Variants in CALN1 observed in about 807,000 individuals in gnomAD.
The protein encoded by CALN1 is calcium-binding protein 8.
In CALN1, 17 loss-of-function variants were observed where a neutral mutation model predicts 30.6. The ratio of observed to expected loss-of-function variants is 0.56; its 90% CI spans 0.38 to 0.83. The LOEUF is 0.83. Among genes scored for constraint, CALN1 ranks in the 40% least tolerant of loss-of-function variants. The pLI, the probability that CALN1 is intolerant of heterozygous loss-of-function variation, is 0.00. For missense variants in CALN1, 291 were observed against 354.9 expected (o/e 0.82, Z 1.45); for synonymous variants, 156 against 131.4 (o/e 1.19, Z -1.28).
chr7:72,090,531 T>A (rs1249308749), intron 4 of CALN1, among the ~76,000 whole-genome samples: 3 of 152,148 alleles, frequency 2.0e-5, no homozygotes, highest in Non-Finnish European at 4.4e-5. Context: ...TATTAAATAA[T>A]AAAGAATTTA....
chr7:71,869,817 T>C (rs1184834683), intron 5 of CALN1, among the ~76,000 whole-genome samples: 1 of 152,162 alleles, frequency 6.6e-6, no homozygotes, highest in African/African-American at 2.4e-5. Context: ...AATTGGAAGA[T>C]GCCCCAGAAA....
At chr7:71,816,301 C>T (rs533853579) in intron 5 of CALN1, among the ~76,000 whole-genome samples, 12 of 152,206 alleles carry the variant, frequency 7.9e-5, no homozygotes, top group South Asian at 4.1e-4. Flanking sequence ...TAGAGTTTAA[C>T]GATCCTAGAC....
chr7:72,268,256 C>T (rs907790830), intron 3 of CALN1, among the ~76,000 whole-genome samples: 1 of 151,930 alleles, frequency 6.6e-6, no homozygotes, highest in African/African-American at 2.4e-5. Context: ...GAAGCTTAAA[C>T]AAAAGCGGAG....
chr7:72,164,383 CAG>C (rs1177001678), intron 3 of CALN1, among the ~76,000 whole-genome samples: 1 of 148,470 alleles, frequency 6.7e-6, no homozygotes, highest in African/African-American at 2.5e-5. Flanking sequence ...AAGAAGAAGA[CAG>C]AGACACATAG....
chr7:72,390,597 A>T (rs1377439960), intron 2 of CALN1, among the ~76,000 whole-genome samples: 1 of 152,204 alleles, frequency 6.6e-6, no homozygotes, highest in East Asian at 1.9e-4. Flanking sequence ...AATGAAATCT[A>T]GCATTTTCTT....
At chr7:72,262,239 C>G (rs945547608) in intron 3 of CALN1, among the ~76,000 whole-genome samples, 1 of 152,194 alleles carries the variant, frequency 6.6e-6, no homozygotes, top group Non-Finnish European at 1.5e-5. Flanking sequence ...GACACGTTCC[C>G]TCCTGATCCT....
chr7:72,435,755 C>T (rs767128042), intron 1 of CALN1, among the ~76,000 whole-genome samples: 2 of 152,158 alleles, frequency 1.3e-5, no homozygotes, highest in Admixed American at 6.5e-5. Context: ...CAGTTAATAA[C>T]TGTGCACATT....
chr7:72,428,718 G>T (rs1272146416), intron 1 of CALN1, among the ~76,000 whole-genome samples: 2 of 152,176 alleles, frequency 1.3e-5, no homozygotes, highest in South Asian at 2.1e-4. Flanking sequence ...TAGAAGGATG[G>T]TCTGGCACAG....
At chr7:71,977,804 C>T (rs1389769064) in intron 5 of CALN1, among the ~76,000 whole-genome samples, 2 of 151,580 alleles carry the variant, frequency 1.3e-5, no homozygotes, top group Non-Finnish European at 2.9e-5. Flanking sequence ...TGGTGGCGGG[C>T]GACTGTAATC....
intron 2 of CALN1, among the ~76,000 whole-genome samples, chr7:72,317,802 G>A (rs1018503048): frequency 2.0e-5 from 3 of 151,984 alleles, no homozygotes; most frequent in Non-Finnish European, 2.9e-5. Context: ...GCATGACACC[G>A]GCCCCAGAAT....
chr7:72,053,244 C>G (rs1802954660), intron 4 of CALN1, among the ~76,000 whole-genome samples: 1 of 152,104 alleles, frequency 6.6e-6, no homozygotes, highest in Non-Finnish European at 1.5e-5. Context: ...AACAAACAAA[C>G]AAAGGAATAT....
intron 3 of CALN1, among the ~76,000 whole-genome samples, chr7:72,267,764 T>C (rs1445379487): frequency 6.6e-6 from 1 of 152,244 alleles, no homozygotes; most frequent in East Asian, 1.9e-4. Flanking sequence ...CCCAGCACTT[T>C]GGCAGGCTGA....
intron 5 of CALN1, among the ~76,000 whole-genome samples, chr7:71,993,358 T>C (rs930376543): frequency 2.0e-5 from 3 of 152,036 alleles, no homozygotes; most frequent in African/African-American, 7.2e-5. Flanking sequence ...CCTAGCTACT[T>C]GGGAGGCTGA....
At chr7:72,391,987 G>A (rs1454279086) in intron 2 of CALN1, among the ~76,000 whole-genome samples, 3 of 152,186 alleles carry the variant, frequency 2.0e-5, no homozygotes, top group African/African-American at 7.2e-5. Context: ...TTGACCCCTA[G>A]AGTATGGCAG....
chr7:71,818,834 C>A (rs991641428), intron 5 of CALN1, among the ~76,000 whole-genome samples: 1 of 150,658 alleles, frequency 6.6e-6, no homozygotes, highest in Non-Finnish European at 1.5e-5. Context: ...CTCAGCCTCC[C>A]GAGTAGCTGG....
At chr7:71,801,814 T>G (rs887070012) in intron 6 of CALN1, among the ~76,000 whole-genome samples, 1 of 151,714 alleles carries the variant, frequency 6.6e-6, no homozygotes, top group Non-Finnish European at 1.5e-5. Context: ...CCGTCTCTAC[T>G]AAAAATACAA....
rs560608463 is a variant in CALN1 at position 72,338,010 on chromosome 7, T to C, written c.120-59200A>G. 9.6e-4 allele frequency among the ~76,000 whole-genome samples: 146 copies of C among 152,308 alleles called. 1 individual carries two copies. The highest frequency in any genetic ancestry group is 3.4e-3 in the African/African-American group (141 of 41,576). On this transcript the variant is annotated intron_variant, in intron 2 of 6. Coordinates refer to ENST00000395275, the MANE Select transcript of CALN1 (RefSeq NM_031468.4). The stretch of plus-strand genomic sequence containing the variant: ...CATGTGCTTGGAGTCAGCAGTCACC[T>C]TTCCCAGTCCCCACCTGTCTGCCTC...
the CALN1 span, among the ~76,000 whole-genome samples, chr7:72,490,965 C>CCGGG: frequency 6.6e-6 from 1 of 152,160 alleles, no homozygotes; most frequent in Non-Finnish European, 1.5e-5. Context: ...ATGCTCAAGG[C>CCGGG]CGGGCGCGGT....
At chr7:71,886,791 A>AT (rs1162808407) in intron 5 of CALN1, among the ~76,000 whole-genome samples, 8 of 151,886 alleles carry the variant, frequency 5.3e-5, no homozygotes, top group South Asian at 2.1e-4. Context: ...AAAAAAAAAA[A>AT]ATATTGCATG....
Sources: allele counts gnomAD v4.1 joint callset (sites outside exome capture counted in the v4.1 genomes callset), GRCh38; gene constraint gnomAD v4.1.1; transcripts MANE v1.5; gene names NCBI Gene and HGNC (gene_info 2026-07-23, HGNC 2026-07-21).